Variants in AIDA observed in about 807,000 individuals in gnomAD.
The protein encoded by AIDA is axin interactor, dorsalization-associated protein.
Under a neutral mutation model 42.7 loss-of-function variants are expected in AIDA, and 18 were observed. The ratio of observed to expected loss-of-function variants is 0.42; its 90% CI spans 0.29 to 0.63. The LOEUF (loss-of-function observed/expected upper bound fraction) is 0.63, where lower values mean the gene tolerates loss of function less well. AIDA is among the 20% of genes least tolerant of loss of function. The pLI is 0.19. For synonymous variants in AIDA, 104 were observed against 122.9 expected, an observed-to-expected ratio of 0.85 and a Z score of 1.02; for missense variants, 250 against 354.1, an observed-to-expected ratio of 0.71 and a Z score of 2.36.
In AIDA at chr1:222,673,434, A is replaced by G. The variant is rs767632965; in HGVS notation, c.585T>C (p.Asp195=). The part of the protein sequence containing the change: ...IDPYITVSVK[D]LNGIDLTPVQ... Reference sequence around the variant, plus strand: ...CAGGAGTTAAGTCTATGCCATTCAGATCTAAAGAGAAAAGAAGTTTCTCTT... The same window carrying G: ...CAGGAGTTAAGTCTATGCCATTCAGGTCTAAAGAGAAAAGAAGTTTCTCTT... Residue 195 remains aspartate, a splice_region_variant and synonymous_variant, in exon 8 of 10, where the codon GAT becomes GAC. Transcript: ENST00000340020. 2.6e-6 allele frequency: 4 copies of G among 1,566,502 alleles called. No individual in the cohort carries two copies. The highest frequency in any genetic ancestry group is 3.5e-6 in the Non-Finnish European group (4 of 1,158,362).
chr1:222,683,357 A>G (rs1235983317), intron 6 of AIDA, among the ~76,000 whole-genome samples: 1 of 152,240 alleles, frequency 6.6e-6, no homozygotes, highest in East Asian at 1.9e-4. Flanking sequence ...TAGCAAGAAA[A>G]GAAACTGCTT....
intron 8 of AIDA, among the ~76,000 whole-genome samples, chr1:222,673,090 T>C (rs1664477911): frequency 6.6e-6 from 1 of 152,230 alleles, no homozygotes; most frequent in Non-Finnish European, 1.5e-5. Flanking sequence ...TAAAATTTTA[T>C]TATCAAAGAT....
intron 1 of AIDA, among the ~76,000 whole-genome samples, chr1:222,704,769 T>C (rs1655794902): frequency 6.6e-6 from 1 of 152,170 alleles, no homozygotes; most frequent in African/African-American, 2.4e-5. Context: ...AACCATGGAA[T>C]TGTACGCTTT....
In AIDA at chr1:222,686,986, T is replaced by G; in HGVS notation, c.404A>C (p.Glu135Ala). ...CCCTGCTCCAGCACCACCCTCTTCT[T>G]CATCTTCTTCAAATTCCAAATTCTC... ...EEENLEFEED[E>A]EEGGAGAGSP... The change falls in exon 6 of 10, where the codon GAA (glutamate) becomes GCA (alanine). Residue 135 changes from glutamate to alanine, a missense_variant. Transcript: ENST00000340020. 1 of 1,613,578 alleles carries G rather than the reference T, an allele frequency of 6.2e-7. No homozygotes were observed. The highest frequency in any genetic ancestry group is 1.1e-5 in the South Asian group (1 of 91,034).
At chr1:222,686,817 G>C in intron 6 of AIDA, 113 bp downstream of exon 6, 3 of 1,305,000 alleles carry the variant, frequency 2.3e-6, no homozygotes, top group Non-Finnish European at 3.1e-6. Flanking sequence ...CCTAAGATTG[G>C]CATGAGCTTT....
chr1:222,673,244 A>T, intron 8 of AIDA, 69 bp downstream of exon 8: 3 of 1,437,372 alleles, frequency 2.1e-6, no homozygotes, highest in Non-Finnish European at 2.8e-6. Context: ...TAGGTCCACC[A>T]TATGTACAAA....
In AIDA at chr1:222,681,699, C is replaced by T. The variant is rs146231791; in HGVS notation, c.460+5231G>A. Among the ~76,000 whole-genome samples, 30 of 152,186 alleles carry T rather than the reference C, an allele frequency of 2.0e-4. No homozygotes were observed. The East Asian group carries it at 5.4e-3, about 28-fold the overall frequency. On this transcript the variant is annotated intron_variant, in intron 6 of 9. Coordinates refer to ENST00000340020, the MANE Select transcript of AIDA (RefSeq NM_022831.4). ...ATAAAAGAACGTTTTGAAAACTGTA[C>T]AAGTGTCTAACCTAGCAACAGGGCA...
chr1:222,668,994 A>C lies in AIDA; in HGVS notation c.*899T>G, dbSNP rs1339703508. ...CTCCTCACTGTAAGAAGAGGTATGC[A>C]GGTTTTAAGGTTTCACAATCAGTTG... is the stretch of plus-strand genomic sequence containing the variant. On this transcript the variant is annotated 3_prime_UTR_variant, in exon 10 of 10. Coordinates refer to ENST00000340020, the MANE Select transcript of AIDA (RefSeq NM_022831.4). The C allele has an allele frequency of 6.6e-6, 1 of 152,188 alleles. No individual in the cohort carries two copies. Among genetic ancestry groups the C allele is most frequent in the Non-Finnish European group, 1.5e-5 (1 of 68,046 alleles). The allele number at this position is 152,188 out of a possible 1,614,324, so 9.4% of individuals were successfully genotyped here. A position where few individuals can be genotyped will look rare whatever the true frequency, so the allele number is the denominator to read the frequency against.
chr1:222,695,280 T>C (rs1382527827), intron 2 of AIDA, among the ~76,000 whole-genome samples: 1 of 152,150 alleles, frequency 6.6e-6, no homozygotes, highest in African/African-American at 2.4e-5. Flanking sequence ...TCACTTGAGG[T>C]TGGGGGTTCA....
intron 6 of AIDA, among the ~76,000 whole-genome samples, chr1:222,686,017 G>A (rs187014082): frequency 3.9e-5 from 6 of 152,280 alleles, no homozygotes; most frequent in African/African-American, 9.6e-5. Flanking sequence ...AAAATTAGCC[G>A]GGTGTGGTGG....
chr1:222,692,852 T>G (rs1655406614), intron 4 of AIDA, among the ~76,000 whole-genome samples: 2 of 152,228 alleles, frequency 1.3e-5, no homozygotes, highest in African/African-American at 4.8e-5. Context: ...TGAGGATTAT[T>G]ATAAGCAAAT....
At chr1:222,695,851 A>C (rs997848117) in intron 2 of AIDA, among the ~76,000 whole-genome samples, 12 of 152,234 alleles carry the variant, frequency 7.9e-5, no homozygotes, top group African/African-American at 2.4e-4. Context: ...GATAACTTGC[A>C]AAAGTTTAGT....
chr1:222,668,127 A>T lies in AIDA; in HGVS notation c.*1766T>A, dbSNP rs1664372539. The T allele has an allele frequency of 6.6e-6, 1 of 152,120 alleles. No individual in the cohort carries two copies. The highest frequency in any genetic ancestry group is 2.1e-4 in the South Asian group (1 of 4,830). The allele number at this position is 152,120 out of a possible 1,614,324, so 9.4% of individuals were successfully genotyped here. A position where few individuals can be genotyped will look rare whatever the true frequency, so the allele number is the denominator to read the frequency against. Reference sequence around the variant, plus strand: ...ATTATCATTTTGATATACATATCTTATGGTTTATGAGAAAAGAGAAAAAAT... The same window carrying T: ...ATTATCATTTTGATATACATATCTTTTGGTTTATGAGAAAAGAGAAAAAAT... On this transcript the variant is annotated 3_prime_UTR_variant, in exon 10 of 10. Coordinates refer to ENST00000340020, the MANE Select transcript of AIDA (RefSeq NM_022831.4).
At chr1:222,671,720 T>C (rs1049693697) in intron 8 of AIDA, among the ~76,000 whole-genome samples, 1 of 151,040 alleles carries the variant, frequency 6.6e-6, no homozygotes, top group Non-Finnish European at 1.5e-5. Flanking sequence ...GTAACATCTC[T>C]TCCCTAGGTG....
chr1:222,709,149 G>C (rs1655923839), intron 1 of AIDA, among the ~76,000 whole-genome samples: 1 of 152,146 alleles, frequency 6.6e-6, no homozygotes. Flanking sequence ...ATTTTCAACT[G>C]TAGCCGGGCA....
At chr1:222,671,119 C>A (rs545344911) in intron 8 of AIDA, among the ~76,000 whole-genome samples, 1 of 151,976 alleles carries the variant, frequency 6.6e-6, no homozygotes, top group Admixed American at 6.6e-5. Context: ...CCCAGCTACT[C>A]GGGAGGCTGA....
At chr1:222,671,558 G>C (rs1664449533) in intron 8 of AIDA, among the ~76,000 whole-genome samples, 1 of 152,144 alleles carries the variant, frequency 6.6e-6, no homozygotes, top group Admixed American at 6.5e-5. Context: ...TACAGCATTG[G>C]CACTTGGGTC....
intron 4 of AIDA, among the ~76,000 whole-genome samples, chr1:222,692,601 T>TCAGG (rs1211604051): frequency 6.6e-6 from 1 of 152,170 alleles, no homozygotes; most frequent in Non-Finnish European, 1.5e-5. Flanking sequence ...AAGCACTGAA[T>TCAGG]CAGGCTCTGT....
chr1:222,697,045 C>T (rs1655539578), intron 2 of AIDA, among the ~76,000 whole-genome samples: 1 of 151,972 alleles, frequency 6.6e-6, no homozygotes, highest in Non-Finnish European at 1.5e-5. Context: ...CAGGCTCAAG[C>T]GATTCTCCTG....
Sources: gnomAD v4.1 joint callset for allele counts (sites outside exome capture counted in the v4.1 genomes callset) on GRCh38, gnomAD v4.1.1 for gene constraint, MANE v1.5 for transcripts, NCBI Gene and HGNC (gene_info 2026-07-23, HGNC 2026-07-21) for gene names.